Variants in PUS10 observed in about 807,000 individuals in gnomAD.
PUS10 encodes the protein tRNA pseudouridine synthase Pus10.
Under a neutral mutation model 75.0 loss-of-function variants are expected in PUS10, and 59 were observed. That is an observed-to-expected ratio of 0.79 (90% CI 0.64 to 0.98). The LOEUF (loss-of-function observed/expected upper bound fraction) is 0.98. Among genes scored for constraint, PUS10 ranks in the 50% least tolerant of loss-of-function variants. The probability of loss-of-function intolerance (pLI) is 0.00; values close to 1 mark genes in which losing one functional copy is unlikely to be tolerated. For missense variants in PUS10, 650 were observed against 614.4 expected, an observed-to-expected ratio of 1.06 and a Z score of -0.61; for synonymous variants, 219 against 211.6, an observed-to-expected ratio of 1.03 and a Z score of -0.30.
rs950374764 is a variant in PUS10 at position 60,972,366 on chromosome 2, A to C, written c.469-809T>G. 6.3e-4 allele frequency among the ~76,000 whole-genome samples: 95 copies of C among 151,824 alleles called. 1 individual carries two copies. The highest frequency in any genetic ancestry group is 2.0e-3 in the African/African-American group (84 of 41,474). The stretch of plus-strand genomic sequence containing the variant: ...GCGCCCGTAGTCCCAGCTACTTGAG[A>C]GGCTGAGGCAGGATAATGGCGTGAA... On this transcript the variant is annotated intron_variant, in intron 4 of 17. Coordinates refer to ENST00000316752, the MANE Select transcript of PUS10 (RefSeq NM_144709.4).
rs375056493 is a variant in PUS10 at position 60,948,130 on chromosome 2, G to T, written c.1364C>A (p.Ala455Asp). ...PLRVLHRRPLAVRARVIHFME... is the reference protein window; with the variant it reads ...PLRVLHRRPLDVRARVIHFME... ...GAAGTGAATGACGCGAGCTCGCACA[G>T]CCAGGGGCCTTCGGTGAAGGACGCG... The change falls in exon 16 of 18, where the codon GCT (alanine) becomes GAT (aspartate). Residue 455 changes from alanine to aspartate, a missense_variant. Coordinates refer to ENST00000316752, the MANE Select transcript of PUS10 (RefSeq NM_144709.4). The T allele has an allele frequency of 6.2e-7, 1 of 1,614,156 alleles. No homozygotes were observed. The highest frequency in any genetic ancestry group is 8.5e-7 in the Non-Finnish European group (1 of 1,180,012).
At chr2:61,017,453 C>A (rs1296358444) in intron 1 of PUS10, 10 of 270,308 alleles carry the variant, frequency 3.7e-5, no homozygotes, top group Non-Finnish European at 7.0e-5. Context: ...AGAAAAGCCT[C>A]GGTGGGACTC....
At chr2:60,974,393 T>A (rs970729187) in intron 4 of PUS10, among the ~76,000 whole-genome samples, 2 of 152,100 alleles carry the variant, frequency 1.3e-5, no homozygotes, top group Non-Finnish European at 2.9e-5. Flanking sequence ...CTCCTTTTCA[T>A]CTTGCTCATC....
At chr2:61,014,360 T>A (rs1679831574) in intron 1 of PUS10, among the ~76,000 whole-genome samples, 1 of 152,032 alleles carries the variant, frequency 6.6e-6, no homozygotes, top group South Asian at 2.1e-4. Context: ...GCCTGGGCAA[T>A]AAGAGCGAAA....
At chr2:60,970,660 A>G (rs6754346) in intron 5 of PUS10, among the ~76,000 whole-genome samples, 68,692 of 150,672 alleles carry the variant, frequency 0.46, 19,602 homozygotes, top group African/African-American at 0.81. Flanking sequence ...TGGGCGGGGG[A>G]GGGGACGGAA....
rs539599309 is a variant in PUS10, at chr2:60,999,782, A to G, written c.468+6775T>C. 5.3e-5 allele frequency among the ~76,000 whole-genome samples: 8 copies of G among 152,296 alleles called. No individual in the cohort carries two copies. The South Asian group carries it at 1.0e-3, about 20-fold the overall frequency. Reference sequence around the variant, plus strand: ...CTCTGTATCTGTGGATCTTGCATCTATGGATTCAATCAACCCTGGATAGAA... The same window carrying G: ...CTCTGTATCTGTGGATCTTGCATCTGTGGATTCAATCAACCCTGGATAGAA... On this transcript the variant is annotated intron_variant, in intron 4 of 17. Transcript: ENST00000316752.
At chr2:61,017,681 T>C in intron 1 of PUS10, 1 of 1,164,182 alleles carries the variant, frequency 8.6e-7, no homozygotes, top group African/African-American at 1.5e-5. Context: ...CTGCCCGTTG[T>C]GTCTTACGCT....
chr2:60,997,057 A>T (rs559067187), intron 4 of PUS10, among the ~76,000 whole-genome samples: 1 of 152,338 alleles, frequency 6.6e-6, no homozygotes, highest in East Asian at 1.9e-4. Context: ...ATATGATTCC[A>T]TGATTCTAAC....
chr2:60,952,482 G>A (rs1558872514), intron 15 of PUS10, among the ~76,000 whole-genome samples: 1 of 152,126 alleles, frequency 6.6e-6, no homozygotes. Flanking sequence ...AAATGCATGT[G>A]CTTTACATAT....
Position 60,948,084 on chromosome 2 carries a change from A to G in PUS10, c.1410T>C (p.Asp470=). ...TCAAGTGGAGGCGGAAGTGGTGCTC[A>G]TCCACGTACTGTGTCTCCATGAAGT... ...VIHFMETQYV[D]EHHFRLHLKT... The change falls in exon 16 of 18, where the codon GAT becomes GAC. Residue 470 remains aspartate (D), a synonymous_variant. Coordinates refer to ENST00000316752, the MANE Select transcript of PUS10 (RefSeq NM_144709.4). 1 of 1,614,098 alleles carries G rather than the reference A, an allele frequency of 6.2e-7. No homozygotes were observed. The highest frequency in any genetic ancestry group is 8.5e-7 in the Non-Finnish European group (1 of 1,180,000).
At chr2:60,989,840 G>A (rs971091274) in intron 4 of PUS10, among the ~76,000 whole-genome samples, 2 of 151,942 alleles carry the variant, frequency 1.3e-5, no homozygotes, top group African/African-American at 4.8e-5. Context: ...GGCCAGGCTG[G>A]TCTCGAACTC....
At chr2:60,978,198 G>T (rs1430709952) in intron 4 of PUS10, among the ~76,000 whole-genome samples, 1 of 151,968 alleles carries the variant, frequency 6.6e-6, no homozygotes, top group Non-Finnish European at 1.5e-5. Flanking sequence ...GAGGAGGGTG[G>T]ATCACCTGAG....
At chr2:60,983,980 G>A (rs1187015042) in intron 4 of PUS10, among the ~76,000 whole-genome samples, 3 of 151,140 alleles carry the variant, frequency 2.0e-5, no homozygotes, top group South Asian at 2.1e-4. Context: ...AAAAATTATG[G>A]GAAAAAGAGA....
intron 4 of PUS10, among the ~76,000 whole-genome samples, chr2:60,981,335 T>G (rs1334639693): frequency 1.3e-5 from 2 of 151,962 alleles, no homozygotes; most frequent in African/African-American, 2.4e-5. Flanking sequence ...CAGGCTGGAG[T>G]GCAACAGCAA....
chr2:60,951,747 C>G (rs1675351395), intron 15 of PUS10, among the ~76,000 whole-genome samples: 1 of 152,182 alleles, frequency 6.6e-6, no homozygotes, highest in East Asian at 1.9e-4. Flanking sequence ...CTGGTACCAC[C>G]AGGGGGTTGG....
chr2:60,980,488 C>T (rs1677316879), intron 4 of PUS10, among the ~76,000 whole-genome samples: 1 of 152,210 alleles, frequency 6.6e-6, no homozygotes, highest in African/African-American at 2.4e-5. Flanking sequence ...GGAGGACCAC[C>T]CATCTCCCAC....
intron 4 of PUS10, among the ~76,000 whole-genome samples, chr2:60,999,361 T>C (rs577884002): frequency 6.6e-6 from 1 of 152,302 alleles, no homozygotes; most frequent in Non-Finnish European, 1.5e-5. Context: ...TAGCCTGTAA[T>C]ACTAGCACTT....
chr2:61,011,640 TTA>T (rs1352510823), intron 2 of PUS10, 123 bp downstream of exon 2: 1 of 637,312 alleles, frequency 1.6e-6, no homozygotes, highest in Non-Finnish European at 2.4e-6. Context: ...ACTCATTTTA[TTA>T]TAGTTTTTTA....
intron 4 of PUS10, among the ~76,000 whole-genome samples, chr2:60,988,672 G>A (rs9677317): frequency 0.2 from 30,368 of 152,132 alleles, 3,446 homozygotes; most frequent in African/African-American, 0.29. Flanking sequence ...GTCTTGCTCT[G>A]TAGCCCAGGC....
Sources: allele counts gnomAD v4.1 joint callset (sites outside exome capture counted in the v4.1 genomes callset), GRCh38; gene constraint gnomAD v4.1.1; transcripts MANE v1.5; gene names NCBI Gene and HGNC (gene_info 2026-07-23, HGNC 2026-07-21).